Variants in SCN7A observed in about 807,000 individuals in gnomAD.
SCN7A encodes sodium channel protein type 7 subunit alpha.
Under a neutral mutation model 155.2 loss-of-function variants are expected in SCN7A, and 138 were observed. That is an observed-to-expected ratio of 0.89 (90% CI 0.77 to 1.02). The LOEUF (loss-of-function observed/expected upper bound fraction) is 1.02. Ranked by LOEUF, SCN7A falls within the 50% of genes least tolerant of loss-of-function variation. The probability of loss-of-function intolerance (pLI) is 0.00; values close to 1 mark genes in which losing one functional copy is unlikely to be tolerated. For missense variants in SCN7A, 2,058 were observed against 1,986.6 expected, an observed-to-expected ratio of 1.04 and a Z score of -0.68; for synonymous variants, 693 against 649.0, an observed-to-expected ratio of 1.07 and a Z score of -1.03.
rs544761741 is a variant in SCN7A, at chr2:166,421,304, A to T, written c.3028-7T>A. The T allele has an allele frequency of 6.9e-7, 1 of 1,440,780 alleles. No homozygotes were observed. The highest frequency in any genetic ancestry group is 9.2e-7 in the Non-Finnish European group (1 of 1,082,748). 89.2% of individuals were successfully genotyped at this position (1,440,780 alleles called of 1,614,324 possible). A position where few individuals can be genotyped will look rare whatever the true frequency, so the allele number is the denominator to read the frequency against. On this transcript the variant is annotated splice_polypyrimidine_tract_variant and splice_region_variant and intron_variant, in intron 19 of 25. Coordinates refer to ENST00000643258, the MANE Select transcript of SCN7A (RefSeq NM_002976.4). Reference sequence around the variant, plus strand: ...TTAAGCTAAGACAAAACACCTATATATTTTTTTTAAAAAAAGAGTGAATAG... The same window carrying T: ...TTAAGCTAAGACAAAACACCTATATTTTTTTTTTAAAAAAAGAGTGAATAG...
intron 5 of SCN7A, 25 bp from the exon 6 acceptor site, chr2:166,472,470 A>G: frequency 6.6e-7 from 1 of 1,519,688 alleles, no homozygotes; most frequent in Non-Finnish European, 9.0e-7. Context: ...TCATATAAAT[A>G]TTATTGGTGA....
intron 20 of SCN7A, among the ~76,000 whole-genome samples, chr2:166,417,906 T>C (rs1479538121): frequency 6.6e-6 from 1 of 151,568 alleles, no homozygotes; most frequent in Non-Finnish European, 1.5e-5. Flanking sequence ...GGGAGATGAA[T>C]CTGCCACCTA....
chr2:166,477,714 C>CA lies in SCN7A; in HGVS notation c.-14-5dup, dbSNP rs750661734. On this transcript the variant is annotated splice_region_variant and splice_polypyrimidine_tract_variant and intron_variant, in intron 2 of 25. Coordinates refer to ENST00000643258, the MANE Select transcript of SCN7A (RefSeq NM_002976.4). The stretch of plus-strand genomic sequence containing the variant: ...GCCAACATTTCCAATTTTGTACCTG[C>CA]AAAAAATTCTGTATTAAAGTTGGGT... 2.2e-4 allele frequency: 332 copies of CA among 1,509,930 alleles called. No individual in the cohort carries two copies. The highest frequency in any genetic ancestry group is 1.1e-3 in the East Asian group (45 of 42,538). The allele number at this position is 1,509,930 out of a possible 1,614,324, so 93.5% of individuals were successfully genotyped here.
intron 15 of SCN7A, among the ~76,000 whole-genome samples, chr2:166,435,083 T>C (rs1269023729): frequency 6.6e-6 from 1 of 152,002 alleles, no homozygotes; most frequent in Non-Finnish European, 1.5e-5. Context: ...ATATATATAG[T>C]GAAAATGTTC....
In SCN7A at chr2:166,443,525, G is replaced by T; in HGVS notation, c.1778C>A (p.Ala593Asp). The change falls in exon 14 of 26, where the codon GCT becomes GAT. Residue 593 changes from alanine (A) to aspartate (D), a missense_variant. Physicochemically the swap from Ala to Asp is moderately radical, Grantham distance 126 (BLOSUM62 -2). Coordinates refer to ENST00000643258, the MANE Select transcript of SCN7A (RefSeq NM_002976.4). ...ELCLANVAGM[A>D]LLRLFRMLRI... ...TACCATCCTGAATAATCGAAGAAGA[G>T]CCATTCCTGCAACATTTGCTAGACA... The T allele has an allele frequency of 6.3e-7, 1 of 1,594,640 alleles. No individual in the cohort carries two copies. The highest frequency in any genetic ancestry group is 8.5e-7 in the Non-Finnish European group (1 of 1,171,090).
intron 2 of SCN7A, among the ~76,000 whole-genome samples, chr2:166,480,939 T>C (rs1392604304): frequency 1.3e-5 from 2 of 152,226 alleles, no homozygotes; most frequent in South Asian, 2.1e-4. Flanking sequence ...ATTTGAACGT[T>C]AGTAAGTCAT....
intron 23 of SCN7A, among the ~76,000 whole-genome samples, chr2:166,412,107 C>G (rs1701215153): frequency 2.0e-5 from 3 of 152,058 alleles, no homozygotes. Flanking sequence ...CTCTCTACTT[C>G]TAGCAGAAAG....
In SCN7A at chr2:166,432,377, T is replaced by C. The variant is rs745632728; in HGVS notation, c.2533A>G (p.Ile845Val). 2 of 1,613,118 alleles carry C rather than the reference T, an allele frequency of 1.2e-6. No homozygotes were observed. The highest frequency in any genetic ancestry group is 1.1e-5 in the South Asian group (1 of 90,926). The change falls in exon 16 of 26, where the codon ATA (isoleucine) becomes GTA (valine). Residue 845 changes from isoleucine to valine, a missense_variant. Transcript: ENST00000643258. ...TVPIASGESD[I>V]ENLDNKEIQS... ...ATCTCCTTATTATCCAGATTTTCTA[T>C]ATCAGATTCTCCTGAAGCAATTGGT...
chr2:166,465,770 G>C lies in SCN7A; in HGVS notation c.871+11C>G, dbSNP rs762189421. ...TTCAATTTTTGATATACATGGCAAG[G>C]TGATTCTTACCTCGAATATAATATG... On this transcript the variant is annotated intron_variant, in intron 8 of 25. Transcript: ENST00000643258. The C allele has an allele frequency of 8.1e-6, 13 of 1,612,732 alleles. No homozygotes were observed. Among genetic ancestry groups the C allele is most frequent in the Non-Finnish European group, 9.3e-6 (11 of 1,178,924 alleles).
intron 9 of SCN7A, among the ~76,000 whole-genome samples, chr2:166,464,893 G>A (rs1702493927): frequency 6.6e-6 from 1 of 152,148 alleles, no homozygotes; most frequent in African/African-American, 2.4e-5. Flanking sequence ...TCTAGACCTT[G>A]AAGAAATCAT....
rs530830929 is a variant in SCN7A at position 166,472,796 on chromosome 2, C to A, written c.444-351G>T. On this transcript the variant is annotated intron_variant, in intron 5 of 25. Coordinates refer to ENST00000643258, the MANE Select transcript of SCN7A (RefSeq NM_002976.4). ...TTTGAAGTCAGGTAACAAGATGCCT[C>A]CAGCTTTGTTTTTTTTGCTTAGGAT... 2.6e-5 allele frequency among the ~76,000 whole-genome samples: 4 copies of A among 151,956 alleles called. No individual in the cohort carries two copies. In the South Asian group the frequency reaches 8.3e-4, roughly 32 times the overall value.
At chr2:166,431,383 T>C (rs2105410917) in intron 16 of SCN7A, among the ~76,000 whole-genome samples, 1 of 152,208 alleles carries the variant, frequency 6.6e-6, no homozygotes, top group South Asian at 2.1e-4. Context: ...GTGAAGTTAT[T>C]GTAGAGAGCA....
intron 25 of SCN7A, among the ~76,000 whole-genome samples, chr2:166,408,430 T>A (rs561035242): frequency 3.2e-4 from 48 of 152,126 alleles, no homozygotes; most frequent in African/African-American, 1.1e-3. Flanking sequence ...ACATTTATAA[T>A]CACATTCTGG....
intron 20 of SCN7A, among the ~76,000 whole-genome samples, chr2:166,419,190 C>A (rs891958215): frequency 6.6e-6 from 1 of 151,770 alleles, no homozygotes; most frequent in Non-Finnish European, 1.5e-5. Flanking sequence ...TGGTATTATC[C>A]CGTTTTTTGA....
At position 166,444,869 on chromosome 2, in the gene SCN7A, T is replaced by G; in HGVS notation, c.1519A>C (p.Thr507Pro). Reference sequence around the variant, plus strand: ...ATGCATATGATAAGGAAAAGATCAGTAAATGGTGCCATTATAATCCTATGG... The same window carrying G: ...ATGCATATGATAAGGAAAAGATCAGGAAATGGTGCCATTATAATCCTATGG... Reference protein sequence around the residue: ...FVHRIIMAPFTDLFLIICIIL... With the variant: ...FVHRIIMAPFPDLFLIICIIL... The change falls in exon 13 of 26, where the codon ACT becomes CCT. Residue 507 changes from threonine (T) to proline (P), a missense_variant. By Grantham distance (38) the Thr-to-Pro change is conservative (BLOSUM62 -1). Transcript: ENST00000643258. 6.2e-7 allele frequency: 1 copy of G among 1,612,476 alleles called. No homozygotes were observed. Among genetic ancestry groups the G allele is most frequent in the Non-Finnish European group, 8.5e-7 (1 of 1,178,766 alleles).
At chr2:166,438,210 A>G (rs572906743) in intron 15 of SCN7A, among the ~76,000 whole-genome samples, 1 of 152,238 alleles carries the variant, frequency 6.6e-6, no homozygotes, top group Non-Finnish European at 1.5e-5. Flanking sequence ...ATAGTGAGTG[A>G]GTTCTCAGAA....
At position 166,416,891 on chromosome 2, in the gene SCN7A, A is replaced by G; in HGVS notation, c.3230T>C (p.Val1077Ala). Residue 1077 changes from valine (V) to alanine (A), a missense_variant, in exon 21 of 26, where the codon GTA (valine) becomes GCA (alanine). Val to Ala is a moderately conservative substitution (Grantham distance 64). Coordinates refer to ENST00000643258, the MANE Select transcript of SCN7A (RefSeq NM_002976.4). ...MIWLIFSIMG[V>A]DLFAGRFYEC... ...ATAGAATCTGCCAGCAAATAAGTCT[A>G]CTCCCATGATACTAAAAATCAGCCA... is the stretch of plus-strand genomic sequence containing the variant. 1.2e-6 allele frequency: 2 copies of G among 1,613,316 alleles called. No individual in the cohort carries two copies. The highest frequency in any genetic ancestry group is 1.7e-6 in the Non-Finnish European group (2 of 1,179,606).
chr2:166,443,294 A>G (rs995412557), intron 14 of SCN7A, among the ~76,000 whole-genome samples: 3 of 152,168 alleles, frequency 2.0e-5, no homozygotes, highest in Non-Finnish European at 4.4e-5. Context: ...TGCTGCCTAT[A>G]TGGCATTATT....
In SCN7A at chr2:166,406,444, G is replaced by C; in HGVS notation, c.4185C>G (p.Ala1395=). ...AGGCAAAATTATACATTCCAAATAC[G>C]GCATAGATGAACATGACCAGGAAGA... ...LLIFLVMFIY[A]VFGMYNFAYV... is the part of the protein sequence containing the mutation. Residue 1395 remains alanine, a synonymous_variant, in exon 26 of 26, where the codon GCC becomes GCG. Coordinates refer to ENST00000643258, the MANE Select transcript of SCN7A (RefSeq NM_002976.4). 1 of 1,612,766 alleles carries C rather than the reference G, an allele frequency of 6.2e-7. No homozygotes were observed. The highest frequency in any genetic ancestry group is 8.5e-7 in the Non-Finnish European group (1 of 1,179,304).
Sources: gnomAD v4.1 joint callset for allele counts (sites outside exome capture counted in the v4.1 genomes callset) on GRCh38, gnomAD v4.1.1 for gene constraint, MANE v1.5 for transcripts, NCBI Gene and HGNC (gene_info 2026-07-23, HGNC 2026-07-21) for gene names.